The following SETD1B variants were observed in gnomAD, a reference collection of about 807,000 sequenced individuals.
SETD1B encodes the protein SET domain containing 1B, histone lysine methyltransferase, also known as histone-lysine N-methyltransferase SETD1B.
In SETD1B, 7 loss-of-function variants were observed where a neutral mutation model predicts 148.0. The observed-to-expected ratio is 0.05, with a 90% confidence interval of 0.03 to 0.09. The LOEUF is 0.09. Among genes scored for constraint, SETD1B ranks in the 10% least tolerant of loss-of-function variants. The probability of loss-of-function intolerance (pLI) is 1.00; values close to 1 mark genes in which losing one functional copy is unlikely to be tolerated. For missense variants in SETD1B, 2,155 were observed against 2,729.9 expected, an observed-to-expected ratio of 0.79 and a Z score of 4.69; for synonymous variants, 1,361 against 1,186.5, an observed-to-expected ratio of 1.15 and a Z score of -3.02.
the SETD1B span, among the ~76,000 whole-genome samples, chr12:121,790,533 C>A: frequency 6.6e-6 from 1 of 152,250 alleles, no homozygotes; most frequent in Non-Finnish European, 1.5e-5. Flanking sequence ...CCAGGCCTTG[C>A]TCCATGACAA....
At chr12:121,825,427 C>T (rs1876794143) in intron 13 of SETD1B, 61 bp downstream of exon 13, 3 of 1,466,012 alleles carry the variant, frequency 2.0e-6, no homozygotes, top group Middle Eastern at 2.1e-4. Flanking sequence ...GGATCCAGGG[C>T]ACTCATGGAG....
intron 13 of SETD1B, among the ~76,000 whole-genome samples, chr12:121,826,885 C>A (rs1205769613): frequency 6.6e-6 from 1 of 151,560 alleles, no homozygotes; most frequent in Non-Finnish European, 1.5e-5. Flanking sequence ...GGACACCAGG[C>A]CTGAGATGGG....
chr12:121,813,195 C>T (rs965424433), intron 6 of SETD1B, among the ~76,000 whole-genome samples: 3 of 152,234 alleles, frequency 2.0e-5, no homozygotes, highest in Non-Finnish European at 4.4e-5. Context: ...AGCAGAGCCC[C>T]CCGCCCTGTG....
At position 121,831,236 on chromosome 12, in the gene SETD1B, C is replaced by T. The variant is rs1877078738; in HGVS notation, c.*997C>T. On this transcript the variant is annotated 3_prime_UTR_variant, in exon 17 of 17. Transcript: ENST00000604567. ...CGTGTGGCATTTTTTGGCTTATAAG[C>T]TTCACCCACTCACCCCCAACCCACA... is the stretch of plus-strand genomic sequence containing the variant. 1 of 152,092 alleles carries T rather than the reference C, an allele frequency of 6.6e-6. No individual in the cohort carries two copies. Among genetic ancestry groups the T allele is most frequent in the Admixed American group, 6.5e-5 (1 of 15,270 alleles). 9.4% of individuals were successfully genotyped at this position (152,092 alleles called of 1,614,324 possible). A position where few individuals can be genotyped will look rare whatever the true frequency, so the allele number is the denominator to read the frequency against.
At position 121,810,440 on chromosome 12, in the gene SETD1B, C is replaced by T. The variant is rs182923294; in HGVS notation, c.1495C>T (p.Leu499=). Residue 499 remains leucine, a synonymous_variant, in exon 6 of 17, where the codon CTG becomes TTG. Coordinates refer to ENST00000604567, the MANE Select transcript of SETD1B (RefSeq NM_001353345.2). The surrounding 1 kb of genome is among the most constrained non-coding windows in gnomAD (Gnocchi z 7.6). ...AGGGCCAGAGAAACCCCACGACAGC[C>T]TGGACTCGCGCATCGAGATGCTGCT... ...PAGPEKPHDS[L]DSRIEMLLKE... is the part of the protein sequence containing the mutation. 150 of 1,549,332 alleles carry T rather than the reference C, an allele frequency of 9.7e-5. 1 individual carries two copies. In the East Asian group the frequency reaches 3.3e-3, roughly 34 times the overall value.
rs570112955 is a variant in SETD1B, at chr12:121,817,938, C to T, written c.3418+34C>T. ...GGAGGCCGTGGCTGCCTGGCCCTCC[C>T]GGAGTCCCTCTTTCCCCGGGGCAGA... On this transcript the variant is annotated intron_variant, in intron 10 of 16. Transcript: ENST00000604567. This position sits in a 1 kb window ranked among gnomAD's most constrained non-coding sequence, Gnocchi z 8.1. 106 of 1,494,770 alleles carry T rather than the reference C, an allele frequency of 7.1e-5. 1 individual carries two copies. In the Admixed American group the frequency reaches 1.5e-3, roughly 21 times the overall value. 92.6% of individuals were successfully genotyped at this position (1,494,770 alleles called of 1,614,324 possible). A position where few individuals can be genotyped will look rare whatever the true frequency, so the allele number is the denominator to read the frequency against.
chr12:121,794,714 C>T, the SETD1B span, among the ~76,000 whole-genome samples: 2 of 152,132 alleles, frequency 1.3e-5, no homozygotes, highest in African/African-American at 2.4e-5. Context: ...CCTCCTCTTA[C>T]TCCTCACCCT....
At chr12:121,819,937 A>G (rs1876490611) in intron 11 of SETD1B, 42 bp downstream of exon 11, 8 of 1,496,080 alleles carry the variant, frequency 5.3e-6, no homozygotes, top group Non-Finnish European at 7.2e-6. Context: ...GGAGGGAGGC[A>G]GGAAGTCCTC....
chr12:121,802,506 T>G (rs1369972150), upstream of SETD1B: 2 of 152,120 alleles, frequency 1.3e-5, no homozygotes, highest in Non-Finnish European at 2.9e-5. Flanking sequence ...GTTTAAGTGT[T>G]TAATAGAGGA....
rs569808403 is a variant in SETD1B at position 121,830,578 on chromosome 12, G to A, written c.*339G>A. ...TCTTCTCTCTCCCACCATCACCCTC[G>A]GCCTCTTCCTGTGAATGCTGCTACG... is the stretch of plus-strand genomic sequence containing the variant. On this transcript the variant is annotated 3_prime_UTR_variant, in exon 17 of 17. Coordinates refer to ENST00000604567, the MANE Select transcript of SETD1B (RefSeq NM_001353345.2). The surrounding 1 kb of genome is among the most constrained non-coding windows in gnomAD (Gnocchi z 5.7). The A allele has an allele frequency of 2.7e-5, 6 of 224,400 alleles. No individual in the cohort carries two copies. In the East Asian group the frequency reaches 2.8e-4, roughly 10 times the overall value. The allele number at this position is 224,400 out of a possible 1,614,324, so 13.9% of individuals were successfully genotyped here.
chr12:121,822,778 C>A lies in SETD1B; in HGVS notation c.4199C>A (p.Ser1400Tyr). The A allele has an allele frequency of 6.6e-7, 1 of 1,515,350 alleles. No homozygotes were observed. Among genetic ancestry groups the A allele is most frequent in the Non-Finnish European group, 8.9e-7 (1 of 1,125,970 alleles). The allele number at this position is 1,515,350 out of a possible 1,614,324, so 93.9% of individuals were successfully genotyped here. ...GGCAGCAGTGGCCTGTCCCTGAGCT[C>A]TCCGCAAGTGCCCGGCAGCCCCTTC... The part of the protein sequence containing the change: ...SGGSSGLSLS[S>Y]PQVPGSPFSY... The change falls in exon 12 of 17, where the codon TCT (serine) becomes TAT (tyrosine). Residue 1400 changes from serine (S) to tyrosine (Y), a missense_variant. Physicochemically the swap from Ser to Tyr is moderately radical, Grantham distance 144 (BLOSUM62 -2). This residue lies in a region of SETD1B where 862 missense variants were observed against 873.8 expected (regional missense o/e 0.99). Coordinates refer to ENST00000604567, the MANE Select transcript of SETD1B (RefSeq NM_001353345.2).
the SETD1B span, among the ~76,000 whole-genome samples, chr12:121,794,692 G>A: frequency 1.3e-5 from 2 of 152,092 alleles, no homozygotes; most frequent in African/African-American, 4.8e-5. Context: ...TGAATTACCC[G>A]TAACCCCCAC....
Position 121,817,197 on chromosome 12 carries a change from C to T in SETD1B, c.2880C>T (p.Pro960=). ...GIGLRGAIRL[P]SFKVKRKEPP... The stretch of plus-strand genomic sequence containing the variant: ...GGCTGCGTGGGGCCATTCGCCTGCC[C>T]TCCTTCAAGGTCAAGAGGAAGGAGC... The change falls in exon 8 of 17, where the codon CCC becomes CCT. Residue 960 remains proline, a synonymous_variant. Transcript: ENST00000604567. This position sits in a 1 kb window ranked among gnomAD's most constrained non-coding sequence, Gnocchi z 8.1. The T allele has an allele frequency of 6.4e-7, 1 of 1,550,602 alleles. No homozygotes were observed. The highest frequency in any genetic ancestry group is 8.7e-7 in the Non-Finnish European group (1 of 1,146,940).
In SETD1B at chr12:121,810,091, A is replaced by G; in HGVS notation, c.1146A>G (p.Pro382=). ...ATTCAGCCACATTTGCCCACACTCC[A>G]CCACCCGCCCAAGCAACCCCTGCTC... ...PQDSATFAHT[P]PPAQATPAPG... is the part of the protein sequence containing the mutation. The change falls in exon 6 of 17, where the codon CCA becomes CCG. Residue 382 remains proline, a synonymous_variant. Coordinates refer to ENST00000604567, the MANE Select transcript of SETD1B (RefSeq NM_001353345.2). This position sits in a 1 kb window ranked among gnomAD's most constrained non-coding sequence, Gnocchi z 7.6. The G allele has an allele frequency of 6.5e-7, 1 of 1,549,620 alleles. No individual in the cohort carries two copies. The highest frequency in any genetic ancestry group is 8.7e-7 in the Non-Finnish European group (1 of 1,146,814).
intron 16 of SETD1B, among the ~76,000 whole-genome samples, chr12:121,829,401 TG>T (rs1207835541): frequency 6.6e-6 from 1 of 152,120 alleles, no homozygotes; most frequent in Non-Finnish European, 1.5e-5. Context: ...GGGCCAGATC[TG>T]GACTGAAGGA....
In SETD1B at chr12:121,808,966, C is replaced by T. The variant is rs1365377587; in HGVS notation, c.658-637C>T. On this transcript the variant is annotated intron_variant, in intron 5 of 16. Transcript: ENST00000604567. The surrounding 1 kb of genome is among the most constrained non-coding windows in gnomAD (Gnocchi z 5.3). ...CTCACTGCAAGCTCCACCTCCTGGG[C>T]TCAAGTGATTCTCTTGCCTCAGCCT... 6.6e-6 allele frequency among the ~76,000 whole-genome samples: 1 copy of T among 152,192 alleles called. No individual in the cohort carries two copies. Among genetic ancestry groups the T allele is most frequent in the Non-Finnish European group, 1.5e-5 (1 of 68,036 alleles).
chr12:121,831,765 C>T lies in SETD1B; in HGVS notation c.*1526C>T, dbSNP rs1877106176. The T allele has an allele frequency of 6.6e-6, 1 of 152,238 alleles. No homozygotes were observed. The highest frequency in any genetic ancestry group is 2.4e-5 in the African/African-American group (1 of 41,470). 9.4% of individuals were successfully genotyped at this position (152,238 alleles called of 1,614,324 possible). A position where few individuals can be genotyped will look rare whatever the true frequency, so the allele number is the denominator to read the frequency against. ...CGCTCCATGAGGGAGCTGCTCCCAC[C>T]CTGCGGACGCAGGCGGCCGGAGCCT... On this transcript the variant is annotated 3_prime_UTR_variant, in exon 17 of 17. Coordinates refer to ENST00000604567, the MANE Select transcript of SETD1B (RefSeq NM_001353345.2).
Position 121,808,366 on chromosome 12 carries a change from T to C in SETD1B, c.657+46T>C. On this transcript the variant is annotated intron_variant, in intron 5 of 16. Transcript: ENST00000604567. The surrounding 1 kb of genome is among the most constrained non-coding windows in gnomAD (Gnocchi z 5.3). ...CTGCCCCATCGCCAGCTCTTTGATG[T>C]GCCCCCCACCTCTGGAAAGCCTCAC... 1 of 1,316,398 alleles carries C rather than the reference T, an allele frequency of 7.6e-7. No individual in the cohort carries two copies. Among genetic ancestry groups the C allele is most frequent in the Non-Finnish European group, 1.1e-6 (1 of 939,326 alleles). The allele number at this position is 1,316,398 out of a possible 1,614,324, so 81.5% of individuals were successfully genotyped here.
rs1397049656 is a variant in SETD1B, at chr12:121,814,717, G to GCCA, written c.2507_2509dup (p.Pro836dup). 6.4e-7 allele frequency: 1 copy of GCCA among 1,550,810 alleles called. No individual in the cohort carries two copies. The highest frequency in any genetic ancestry group is 8.7e-7 in the Non-Finnish European group (1 of 1,146,974). On this transcript the variant is annotated inframe_insertion, in exon 7 of 17. Coordinates refer to ENST00000604567, the MANE Select transcript of SETD1B (RefSeq NM_001353345.2). Reference sequence around the variant, plus strand: ...CCGGCCCAGGCCGCGGGCAGCACTGGCCACCACTGCCCAAGTTTGACCCGT... The same window carrying GCCA: ...CCGGCCCAGGCCGCGGGCAGCACTGGCCACCACCACTGCCCAAGTTTGACCCGT...
Sources: gnomAD v4.1 joint callset for allele counts (sites outside exome capture counted in the v4.1 genomes callset) on GRCh38, gnomAD v4.1.1 for gene constraint, gnomAD v4.1.1 regional missense constraint, Gnocchi (gnomAD v3.1) non-coding constraint, MANE v1.5 for transcripts, NCBI Gene and HGNC (gene_info 2026-07-23, HGNC 2026-07-21) for gene names.